SPMAP2L: variants seen among roughly 807,000 people sequenced by gnomAD.
SPMAP2L encodes the protein sperm microtubule associated protein 2 like, also known as sperm microtubule associated protein 2-like.
chr4:56,560,986 G>A, the SPMAP2L span, among the ~76,000 whole-genome samples: 1 of 151,954 alleles, frequency 6.6e-6, no homozygotes, highest in Non-Finnish European at 1.5e-5. Context: ...CCTCAAGTGA[G>A]CCACCCACCT....
At chr4:56,603,649 TG>T in the SPMAP2L span, 1 of 194,536 alleles carries the variant, frequency 5.1e-6, no homozygotes, top group Admixed American at 5.6e-5. Context: ...CTTATATTTG[TG>T]GGTTTTGCTT....
the SPMAP2L span, among the ~76,000 whole-genome samples, chr4:56,622,780 C>A: frequency 6.6e-6 from 1 of 152,212 alleles, no homozygotes; most frequent in African/African-American, 2.4e-5. Context: ...ACACTGCCTT[C>A]TCTGCCTTGA....
At chr4:56,593,103 G>T in the SPMAP2L span, 1 of 1,577,038 alleles carries the variant, frequency 6.3e-7, no homozygotes, top group African/African-American at 1.3e-5. Context: ...ACGATTTTGC[G>T]GAACTTACTG....
the SPMAP2L span, among the ~76,000 whole-genome samples, chr4:56,591,741 C>G: frequency 2.0e-5 from 3 of 152,086 alleles, no homozygotes; most frequent in Admixed American, 6.5e-5. Context: ...AATAGAAGAC[C>G]ATGTAATTTG....
At chr4:56,601,538 C>T in the SPMAP2L span, among the ~76,000 whole-genome samples, 2 of 152,210 alleles carry the variant, frequency 1.3e-5, no homozygotes, top group East Asian at 1.9e-4. Context: ...GTGGGAAGAT[C>T]GCTTGAGCCC....
chr4:56,555,612 T>C, the SPMAP2L span, among the ~76,000 whole-genome samples: 3 of 152,198 alleles, frequency 2.0e-5, no homozygotes, highest in African/African-American at 7.2e-5. Context: ...TCTCCACTTA[T>C]ATAGCTCTTT....
chr4:56,592,248 A>G, the SPMAP2L span, among the ~76,000 whole-genome samples: 277 of 152,252 alleles, frequency 1.8e-3, 3 homozygotes, highest in African/African-American at 6.3e-3. Flanking sequence ...CCTTTTCCCA[A>G]CACTGCCCAT....
chr4:56,556,440 G>T, the SPMAP2L span, among the ~76,000 whole-genome samples: 1 of 152,188 alleles, frequency 6.6e-6, no homozygotes, highest in Admixed American at 6.5e-5. Context: ...GGATAGGTTT[G>T]GGAGGAAGAT....
the SPMAP2L span, among the ~76,000 whole-genome samples, chr4:56,583,626 A>G: frequency 6.6e-6 from 1 of 152,216 alleles, no homozygotes; most frequent in African/African-American, 2.4e-5. Context: ...TGTGGGGAGC[A>G]GCCTATGAAA....
chr4:56,543,286 T>C, the SPMAP2L span, among the ~76,000 whole-genome samples: 1 of 152,110 alleles, frequency 6.6e-6, no homozygotes, highest in Admixed American at 6.5e-5. Context: ...AGTTTCACCG[T>C]GTTAGCCAGG....
chr4:56,595,978 A>G, the SPMAP2L span, among the ~76,000 whole-genome samples: 34 of 152,346 alleles, frequency 2.2e-4, no homozygotes, highest in Admixed American at 6.5e-4. Context: ...TGTGTTTTGC[A>G]TAGAAAGTTT....
At chr4:56,626,166 A>G in the SPMAP2L span, among the ~76,000 whole-genome samples, 14 of 152,380 alleles carry the variant, frequency 9.2e-5, no homozygotes, top group Admixed American at 2.0e-4. Context: ...AGAAAAGGCC[A>G]TAGCCTCCCA....
chr4:56,618,771 G>A, the SPMAP2L span, among the ~76,000 whole-genome samples: 3 of 152,180 alleles, frequency 2.0e-5, no homozygotes, highest in African/African-American at 7.2e-5. Flanking sequence ...TTATAGAACG[G>A]AACTTGGGCT....
At chr4:56,596,630 C>A in the SPMAP2L span, 1 of 1,512,148 alleles carries the variant, frequency 6.6e-7, no homozygotes, top group Non-Finnish European at 8.8e-7. Flanking sequence ...CCCATCCGTC[C>A]TGTAAGCCAT....
chr4:56,574,849 G>A, the SPMAP2L span, among the ~76,000 whole-genome samples: 2 of 152,042 alleles, frequency 1.3e-5, no homozygotes, highest in African/African-American at 4.8e-5. Flanking sequence ...GGGCATAGAG[G>A]CACATGCCTG....
the SPMAP2L span, among the ~76,000 whole-genome samples, chr4:56,582,364 A>T: frequency 8.2e-5 from 12 of 146,604 alleles, no homozygotes; most frequent in South Asian, 2.1e-4. Context: ...TAAAAGACAA[A>T]TAACCCAATT....
chr4:56,562,623 C>T, the SPMAP2L span, among the ~76,000 whole-genome samples: 44 of 152,040 alleles, frequency 2.9e-4, no homozygotes, highest in Non-Finnish European at 4.6e-4. Flanking sequence ...ATACCATTTG[C>T]GGTGTGTGTG....
the SPMAP2L span, among the ~76,000 whole-genome samples, chr4:56,535,868 C>T: frequency 1.3e-5 from 2 of 152,184 alleles, no homozygotes; most frequent in Non-Finnish European, 2.9e-5. Context: ...GATCCCCAAC[C>T]TTTTTGGCAC....
At chr4:56,556,653 A>C in the SPMAP2L span, among the ~76,000 whole-genome samples, 16 of 152,328 alleles carry the variant, frequency 1.1e-4, no homozygotes, top group East Asian at 2.9e-3. Flanking sequence ...TGGGTGGATC[A>C]CTTGAGGTCA....
Sources: allele counts gnomAD v4.1 joint callset (sites outside exome capture counted in the v4.1 genomes callset), GRCh38; gene constraint gnomAD v4.1.1; transcripts MANE v1.5; gene names NCBI Gene and HGNC (gene_info 2026-07-23, HGNC 2026-07-21).